Variants in KANK3 observed in about 807,000 individuals in gnomAD.
KANK3 encodes KN motif and ankyrin repeat domain-containing protein 3.
Under a neutral mutation model 65.4 loss-of-function variants are expected in KANK3, and 61 were observed. That is an observed-to-expected ratio of 0.93 (90% confidence interval 0.76 to 1.15). KANK3 has a LOEUF of 1.15. KANK3 is among the 50% of genes most tolerant of loss of function. The pLI is 0.00. For synonymous variants in KANK3, 586 were observed against 543.3 expected (o/e 1.08, Z -1.09); for missense variants, 1,187 against 1,178.8 (o/e 1.01, Z -0.10).
At chr19:8,341,410 A>T (rs1970722111) in intron 1 of KANK3, among the ~76,000 whole-genome samples, 1 of 150,294 alleles carries the variant, frequency 6.7e-6, no homozygotes, top group South Asian at 2.1e-4. Context: ...AATATTTTAA[A>T]TTTTTTGGTT....
chr19:8,334,730 C>T lies in KANK3; in HGVS notation c.1097G>A (p.Arg366His). Residue 366 changes from arginine (R) to histidine (H), a missense_variant, in exon 3 of 11, where the codon CGC becomes CAC. Arg to His is a conservative substitution (Grantham distance 29, BLOSUM62 0). Coordinates refer to ENST00000330915, the MANE Select transcript of KANK3 (RefSeq NM_198471.3). ...GCCCCGCAGAAGCTCACTCACCCCG[C>T]GCTGGTGCTCCAGACTGGCGCGCAG... ...ELLRASLEHQRGVSELLRGRL... is the reference protein window; with the variant it reads ...ELLRASLEHQHGVSELLRGRL... 1 of 1,530,108 alleles carries T rather than the reference C, an allele frequency of 6.5e-7. No individual in the cohort carries two copies. The highest frequency in any genetic ancestry group is 2.5e-5 in the East Asian group (1 of 40,452). The allele number at this position is 1,530,108 out of a possible 1,614,324, so 94.8% of individuals were successfully genotyped here.
chr19:8,336,058 GTAA>G (rs1970632397), intron 2 of KANK3, among the ~76,000 whole-genome samples: 3 of 150,570 alleles, frequency 2.0e-5, no homozygotes, highest in South Asian at 2.1e-4. Context: ...TACGGCAATG[GTAA>G]TAATAACAGG....
intron 7 of KANK3, 118 bp from the exon 8 acceptor site, chr19:8,325,214 C>T: frequency 5.4e-6 from 6 of 1,113,802 alleles, no homozygotes; most frequent in Non-Finnish European, 7.4e-6. Context: ...TCAACGTTCT[C>T]CCCACAATAG....
chr19:8,325,212 C>T, intron 7 of KANK3, 116 bp from the exon 8 acceptor site: 1 of 1,139,888 alleles, frequency 8.8e-7, no homozygotes, highest in South Asian at 1.6e-5. Flanking sequence ...TCTCAACGTT[C>T]TCCCCACAAT....
intron 2 of KANK3, among the ~76,000 whole-genome samples, chr19:8,337,082 G>A (rs546397397): frequency 1.8e-4 from 27 of 151,998 alleles, no homozygotes; most frequent in Middle Eastern, 3.4e-3. Flanking sequence ...GCCCAGACTG[G>A]AGTGCTGTAG....
intron 1 of KANK3, among the ~76,000 whole-genome samples, chr19:8,339,784 C>G (rs112611673): frequency 7.9e-5 from 12 of 151,636 alleles, no homozygotes; most frequent in Admixed American, 6.6e-4. Context: ...AATAAAATAG[C>G]GAAACCCCAT....
chr19:8,334,216 C>T (rs934977039), intron 4 of KANK3, 100 bp from the exon 5 acceptor site: 6 of 1,530,552 alleles, frequency 3.9e-6, no homozygotes, highest in Non-Finnish European at 5.3e-6. Context: ...GATGAGGAAA[C>T]TGAGGATTGC....
chr19:8,324,915 T>A (rs554520020), intron 8 of KANK3, 36 bp downstream of exon 8: 39 of 1,607,642 alleles, frequency 2.4e-5, no homozygotes, highest in Non-Finnish European at 3.2e-5. Flanking sequence ...TGGAAGTGAC[T>A]CCTGGCTGAG....
At chr19:8,341,413 T>G (rs187880588) in intron 1 of KANK3, among the ~76,000 whole-genome samples, 1 of 151,956 alleles carries the variant, frequency 6.6e-6, no homozygotes, top group Admixed American at 6.6e-5. Context: ...ATTTTAAATT[T>G]TTTGGTTTTT....
Position 8,335,094 on chromosome 19 carries a change from C to A in KANK3, c.733G>T (p.Ala245Ser). The A allele has an allele frequency of 1.5e-6, 2 of 1,299,334 alleles. No individual in the cohort carries two copies. The highest frequency in any genetic ancestry group is 1.9e-6 in the Non-Finnish European group (2 of 1,028,064). The allele number at this position is 1,299,334 out of a possible 1,614,324, so 80.5% of individuals were successfully genotyped here. A position where few individuals can be genotyped will look rare whatever the true frequency, so the allele number is the denominator to read the frequency against. Residue 245 changes from alanine (A) to serine (S), a missense_variant, in exon 3 of 11, where the codon GCC becomes TCC. Around this residue, in one of 3 missense-constraint regions of KANK3, gnomAD observed 1,078 missense variants for 1,038.2 expected, o/e 1.04. Coordinates refer to ENST00000330915, the MANE Select transcript of KANK3 (RefSeq NM_198471.3). Reference protein sequence around the residue: ...GEAETRPDKLAQLRRLTERLA... With the variant: ...GEAETRPDKLSQLRRLTERLA... ...CGCTCGGTGAGCCGCCGCAGCTGGG[C>A]GAGCTTGTCCGGGCGCGTCTCAGCC...
rs1166441751 is a variant in KANK3 at position 8,331,980 on chromosome 19, C to CT, written c.1936+1033dup. 8.6e-3 allele frequency among the ~76,000 whole-genome samples: 584 copies of CT among 67,912 alleles called. 61 individuals are homozygous for CT. The highest frequency in any genetic ancestry group is 0.023 in the African/African-American group (327 of 14,450). The allele number at this position is 67,912 out of a possible 152,430, so 44.6% of individuals were successfully genotyped here. On this transcript the variant is annotated intron_variant, in intron 7 of 10. Transcript: ENST00000330915. Reference sequence around the variant, plus strand: ...GGGGTATGGTGGGGCCAAAAGGCCTCTTTTTTTTTTTTTTTTTTTTTTTTT... The same window carrying CT: ...GGGGTATGGTGGGGCCAAAAGGCCTCTTTTTTTTTTTTTTTTTTTTTTTTTT...
chr19:8,338,948 T>C (rs1970686912), intron 1 of KANK3, among the ~76,000 whole-genome samples: 1 of 151,594 alleles, frequency 6.6e-6, no homozygotes, highest in Non-Finnish European at 1.5e-5. Flanking sequence ...TGTGAAACTC[T>C]TGCAGGAATG....
chr19:8,324,714 C>T lies in KANK3; in HGVS notation c.2199G>A (p.Leu733=). 1 of 1,614,042 alleles carries T rather than the reference C, an allele frequency of 6.2e-7. No homozygotes were observed. Among genetic ancestry groups the T allele is most frequent in the Non-Finnish European group, 8.5e-7 (1 of 1,180,018 alleles). Reference sequence around the variant, plus strand: ...GGCGCCCATACTCACTGGCACACATCAGCGCTGTGGCCCCATCCGCATCCT... The same window carrying T: ...GGCGCCCATACTCACTGGCACACATTAGCGCTGTGGCCCCATCCGCATCCT... ...NAQDADGATA[L]MCASEYGRLD... The change falls in exon 9 of 11, where the codon CTG becomes CTA. Residue 733 remains leucine (L), a synonymous_variant. Coordinates refer to ENST00000330915, the MANE Select transcript of KANK3 (RefSeq NM_198471.3).
At chr19:8,340,650 T>A (rs570770462) in intron 1 of KANK3, among the ~76,000 whole-genome samples, 2 of 152,150 alleles carry the variant, frequency 1.3e-5, no homozygotes, top group Non-Finnish European at 2.9e-5. Flanking sequence ...CCTGATGCTA[T>A]GAAGCACTGA....
Position 8,334,925 on chromosome 19 carries a change from C to T in KANK3, c.902G>A (p.Arg301Gln). ...VGSLDGTPQT[R>Q]EVAAEAVPET... ...GGGCACGGCCTCGGCGGCCACCTCC[C>T]GGGTCTGGGGCGTCCCATCGAGACT... The change falls in exon 3 of 11, where the codon CGG (arginine) becomes CAG (glutamine). Residue 301 changes from arginine (R) to glutamine (Q), a missense_variant. By Grantham distance (43) the Arg-to-Gln change is conservative. Coordinates refer to ENST00000330915, the MANE Select transcript of KANK3 (RefSeq NM_198471.3). The T allele has an allele frequency of 6.8e-7, 1 of 1,470,662 alleles. No individual in the cohort carries two copies. Among genetic ancestry groups the T allele is most frequent in the East Asian group, 2.9e-5 (1 of 34,822 alleles). The allele number at this position is 1,470,662 out of a possible 1,614,324, so 91.1% of individuals were successfully genotyped here.
At chr19:8,327,430 G>C (rs1970448116) in intron 7 of KANK3, among the ~76,000 whole-genome samples, 1 of 152,102 alleles carries the variant, frequency 6.6e-6, no homozygotes, top group Non-Finnish European at 1.5e-5. Context: ...AAGAGATCAA[G>C]ACCATCCTGG....
chr19:8,333,839 G>A lies in KANK3; in HGVS notation c.1635-31C>T, dbSNP rs1003662179. ...GAGGAGGCCAGGAGAGACTCAGGAT[G>A]GATCGGGGACAGCGCCGACCAGGAG... On this transcript the variant is annotated intron_variant, in intron 5 of 10. Transcript: ENST00000330915. This position sits in a 1 kb window ranked among gnomAD's most constrained non-coding sequence, Gnocchi z 5.0. 1 of 1,547,158 alleles carries A rather than the reference G, an allele frequency of 6.5e-7. No homozygotes were observed. Among genetic ancestry groups the A allele is most frequent in the African/African-American group, 1.4e-5 (1 of 72,990 alleles).
Position 8,334,981 on chromosome 19 carries a change from G to T in KANK3, c.846C>A (p.Gly282=), listed in dbSNP as rs1184373264. ...PDGLAAGRSE[G]ALQVLDGEVG... The stretch of plus-strand genomic sequence containing the variant: ...CCTCCCCGTCGAGGACCTGGAGCGC[G>T]CCCTCGCTGCGCCCTGCAGCCAGGC... The change falls in exon 3 of 11, where the codon GGC becomes GGA. Residue 282 remains glycine, a synonymous_variant. Transcript: ENST00000330915. 6.7e-7 allele frequency: 1 copy of T among 1,491,756 alleles called. No individual in the cohort carries two copies. Among genetic ancestry groups the T allele is most frequent in the Non-Finnish European group, 8.8e-7 (1 of 1,130,824 alleles). The allele number at this position is 1,491,756 out of a possible 1,614,324, so 92.4% of individuals were successfully genotyped here.
intron 1 of KANK3, among the ~76,000 whole-genome samples, chr19:8,338,984 C>G (rs1970687272): frequency 6.6e-6 from 1 of 151,052 alleles, no homozygotes; most frequent in Non-Finnish European, 1.5e-5. Flanking sequence ...CTGGATGCAC[C>G]AAAGATCCAA....
Sources: allele counts gnomAD v4.1 joint callset (sites outside exome capture counted in the v4.1 genomes callset), GRCh38; gene constraint gnomAD v4.1.1; regional missense constraint gnomAD v4.1.1; non-coding constraint Gnocchi (gnomAD v3.1); transcripts MANE v1.5; gene names NCBI Gene and HGNC (gene_info 2026-07-23, HGNC 2026-07-21).